SLC25A24: variants seen among roughly 807,000 people sequenced by gnomAD.
SLC25A24 encodes the protein solute carrier family 25 member 24.
SLC25A24 carries 49 observed loss-of-function variants against 60.7 expected under a neutral mutation model. The ratio of observed to expected loss-of-function variants is 0.81; its 90% CI spans 0.64 to 1.02. The LOEUF (loss-of-function observed/expected upper bound fraction) is 1.02, where lower values mean the gene tolerates loss of function less well. SLC25A24 is among the 50% of genes least tolerant of loss of function. The probability of loss-of-function intolerance (pLI) is 0.00; values close to 1 mark genes in which losing one functional copy is unlikely to be tolerated. For synonymous variants in SLC25A24, 202 were observed against 200.6 expected (o/e 1.01, Z -0.06); for missense variants, 564 against 586.3 (o/e 0.96, Z 0.39).
chr1:108,162,589 C>G (rs979825909), intron 3 of SLC25A24, among the ~76,000 whole-genome samples: 8 of 152,028 alleles, frequency 5.3e-5, no homozygotes, highest in African/African-American at 1.9e-4. Flanking sequence ...GCATAAATGT[C>G]TTCTTTCGAG....
At chr1:108,199,906 A>C in intron 1 of SLC25A24, 50 bp downstream of exon 1, 2 of 1,464,116 alleles carry the variant, frequency 1.4e-6, no homozygotes, top group Non-Finnish European at 9.4e-7. Context: ...CAGTGTCCCC[A>C]GCGCCCGCAG....
chr1:108,148,143 C>T (rs1463603349), intron 7 of SLC25A24, 136 bp downstream of exon 7: 7 of 656,434 alleles, frequency 1.1e-5, no homozygotes, highest in Non-Finnish European at 1.9e-5. Context: ...TAAGCTGCTT[C>T]CAGATTCCTG....
In SLC25A24 at chr1:108,168,796, T is replaced by C. The variant is rs966463011; in HGVS notation, c.399-7503A>G. ...TTCTCTTTGTCTTTCCACTCTATGC[T>C]GTCCAAGTACAGATGCTCTTGATTT... On this transcript the variant is annotated intron_variant, in intron 3 of 9. Coordinates refer to ENST00000565488, the MANE Select transcript of SLC25A24 (RefSeq NM_013386.5). Among the ~76,000 whole-genome samples, 5 of 152,378 alleles carry C rather than the reference T, an allele frequency of 3.3e-5. No homozygotes were observed. The East Asian group carries it at 9.6e-4, about 29-fold the overall frequency.
intron 1 of SLC25A24, among the ~76,000 whole-genome samples, chr1:108,190,416 C>G (rs905172469): frequency 1.3e-5 from 2 of 152,216 alleles, no homozygotes. Context: ...TGTGTATTGT[C>G]TCTAGAGATA....
At chr1:108,183,803 G>A (rs1648022251) in intron 2 of SLC25A24, among the ~76,000 whole-genome samples, 1 of 152,190 alleles carries the variant, frequency 6.6e-6, no homozygotes, top group African/African-American at 2.4e-5. Flanking sequence ...TTAATAGTAT[G>A]AGAGCTGAAA....
intron 3 of SLC25A24, among the ~76,000 whole-genome samples, chr1:108,176,120 T>G (rs577827504): frequency 1.1e-4 from 17 of 151,132 alleles, no homozygotes; most frequent in Admixed American, 2.6e-4. Flanking sequence ...AAGAAACAAT[T>G]CAATGAAATT....
chr1:108,167,440 G>A (rs1172355604), intron 3 of SLC25A24, among the ~76,000 whole-genome samples: 1 of 152,212 alleles, frequency 6.6e-6, no homozygotes, highest in Non-Finnish European at 1.5e-5. Context: ...AGCAATCAGC[G>A]AGACTCCGTG....
Position 108,161,162 on chromosome 1 carries a change from AATAC to A in SLC25A24, c.510+16_510+19del, listed in dbSNP as rs1207149498. The A allele has an allele frequency of 4.7e-6, 6 of 1,270,394 alleles. No individual in the cohort carries two copies. Among genetic ancestry groups the A allele is most frequent in the Non-Finnish European group, 6.9e-6 (6 of 869,944 alleles). 78.7% of individuals were successfully genotyped at this position (1,270,394 alleles called of 1,614,324 possible). A position where few individuals can be genotyped will look rare whatever the true frequency, so the allele number is the denominator to read the frequency against. ...TGGTTTATAGCTCCAAATAAGTATA[AATAC>A]ATAAAGTAGACTTACTGTAGAATGT... On this transcript the variant is annotated intron_variant, in intron 4 of 9. Coordinates refer to ENST00000565488, the MANE Select transcript of SLC25A24 (RefSeq NM_013386.5).
chr1:108,192,997 C>T (rs1430677066), intron 1 of SLC25A24, among the ~76,000 whole-genome samples: 1 of 139,478 alleles, frequency 7.2e-6, no homozygotes, highest in African/African-American at 2.5e-5. Context: ...CCAGGGAGAA[C>T]CCAGCACAGG....
chr1:108,149,876 C>T (rs764422182), intron 6 of SLC25A24, among the ~76,000 whole-genome samples: 7 of 152,288 alleles, frequency 4.6e-5, no homozygotes, highest in Middle Eastern at 3.4e-3. Flanking sequence ...AATGCAACAA[C>T]ATACGATGAC....
intron 1 of SLC25A24, chr1:108,192,557 A>C: frequency 6.7e-7 from 1 of 1,499,322 alleles, no homozygotes; most frequent in Non-Finnish European, 9.0e-7. Context: ...AAGCTCAAAA[A>C]TGTCCAAGGT....
rs1679512911 is a variant in SLC25A24, at chr1:108,143,817, T to A, written c.931-107A>T. 5 of 828,212 alleles carry A rather than the reference T, an allele frequency of 6.0e-6. No individual in the cohort carries two copies. The East Asian group carries it at 1.0e-4, about 17-fold the overall frequency. The allele number at this position is 828,212 out of a possible 1,614,324, so 51.3% of individuals were successfully genotyped here. ...ACAAATACCTAGCACATATTGTCAC[T>A]CAAAAGACTGTACAATTTGTTGATA... is the stretch of plus-strand genomic sequence containing the variant. On this transcript the variant is annotated intron_variant, in intron 7 of 9. Transcript: ENST00000565488.
At chr1:108,169,926 TTC>T (rs1647389932) in intron 3 of SLC25A24, among the ~76,000 whole-genome samples, 1 of 152,174 alleles carries the variant, frequency 6.6e-6, no homozygotes, top group Non-Finnish European at 1.5e-5. Flanking sequence ...TACATCTCAT[TTC>T]TCTTTTTTCT....
chr1:108,142,141 G>T (rs575946579), intron 8 of SLC25A24, among the ~76,000 whole-genome samples: 2 of 152,150 alleles, frequency 1.3e-5, no homozygotes, highest in Non-Finnish European at 2.9e-5. Context: ...TAATAAGGAC[G>T]TGGAAAAACT....
chr1:108,180,617 TCTCTCTC>T (rs1165917538), intron 3 of SLC25A24, among the ~76,000 whole-genome samples: 25 of 7,488 alleles, frequency 3.3e-3, no homozygotes, highest in Non-Finnish European at 6.1e-3. Context: ...AAGAGAAAGA[TCTCTCTC>T]TCTCTCTCTC....
At chr1:108,148,428 G>A (rs781437970) in intron 6 of SLC25A24, 42 bp from the exon 7 acceptor site, 30 of 1,090,084 alleles carry the variant, frequency 2.8e-5, no homozygotes, top group Non-Finnish European at 4.1e-5. Context: ...TACCTGCTGT[G>A]GACTGAGCTG....
chr1:108,179,773 T>A (rs924660357), intron 3 of SLC25A24, among the ~76,000 whole-genome samples: 2 of 152,112 alleles, frequency 1.3e-5, no homozygotes, highest in Admixed American at 1.3e-4. Flanking sequence ...ACATGAGGAA[T>A]AAGTTCAAGA....
intron 1 of SLC25A24, among the ~76,000 whole-genome samples, chr1:108,189,337 T>G (rs1648260705): frequency 1.3e-5 from 2 of 152,284 alleles, no homozygotes; most frequent in South Asian, 4.1e-4. Context: ...AATGGAAAAC[T>G]CCAGAAACAA....
chr1:108,150,799 C>T (rs1430089394), intron 6 of SLC25A24, among the ~76,000 whole-genome samples: 1 of 152,204 alleles, frequency 6.6e-6, no homozygotes, highest in Admixed American at 6.5e-5. Context: ...ACACAAACTC[C>T]CTTGAAACAC....
Sources: allele counts gnomAD v4.1 joint callset (sites outside exome capture counted in the v4.1 genomes callset), GRCh38; gene constraint gnomAD v4.1.1; transcripts MANE v1.5; gene names NCBI Gene and HGNC (gene_info 2026-07-23, HGNC 2026-07-21).